The following PCBP3 variants were observed in gnomAD, a reference collection of about 807,000 sequenced individuals.
PCBP3 encodes poly(rC)-binding protein 3.
In PCBP3, 25 loss-of-function variants were observed where a neutral mutation model predicts 52.7. That is an observed-to-expected ratio of 0.47 (90% CI 0.35 to 0.66). PCBP3 has a LOEUF of 0.66. Ranked by LOEUF, PCBP3 falls within the 30% of genes least tolerant of loss-of-function variation. PCBP3 has a pLI of 0.01. For synonymous variants in PCBP3, 162 were observed against 183.0 expected, an observed-to-expected ratio of 0.89 and a Z score of 0.93; for missense variants, 391 against 490.3, an observed-to-expected ratio of 0.80 and a Z score of 1.91.
intron 9 of PCBP3, 106 bp from the exon 10 acceptor site, chr21:45,909,249 G>A (rs1466926940): frequency 4.9e-6 from 6 of 1,218,614 alleles, no homozygotes; most frequent in Non-Finnish European, 6.9e-6. Context: ...CATGACAGGG[G>A]CTCTGTGGGC....
At chr21:45,758,711 C>G (rs1256654984) in intron 4 of PCBP3, among the ~76,000 whole-genome samples, 1 of 151,944 alleles carries the variant, frequency 6.6e-6, no homozygotes, top group Non-Finnish European at 1.5e-5. Context: ...TTTACAGTTT[C>G]TAACCCACAG....
chr21:45,892,469 G>A (rs936214175), intron 5 of PCBP3, among the ~76,000 whole-genome samples: 2 of 106,992 alleles, frequency 1.9e-5, no homozygotes, highest in Admixed American at 1.9e-4. Flanking sequence ...CTGACGGGGC[G>A]TGGGGGGGGG....
chr21:45,661,248 A>G (rs962424146), intron 1 of PCBP3, among the ~76,000 whole-genome samples: 13 of 152,192 alleles, frequency 8.5e-5, no homozygotes, highest in African/African-American at 2.7e-4. Flanking sequence ...TAGTATAAGC[A>G]TCACCTGAAT....
At chr21:45,701,772 C>G (rs1265798566) in intron 2 of PCBP3, among the ~76,000 whole-genome samples, 2 of 152,204 alleles carry the variant, frequency 1.3e-5, no homozygotes, top group African/African-American at 2.4e-5. Context: ...GTTGGCCAGG[C>G]TGGCCTTGAA....
chr21:45,892,868 G>C (rs1284612919), intron 5 of PCBP3, among the ~76,000 whole-genome samples: 2 of 152,210 alleles, frequency 1.3e-5, no homozygotes, highest in African/African-American at 4.8e-5. Context: ...TGGGTGCCAG[G>C]ACCCTCTCTA....
chr21:45,816,828 G>A (rs139212241), intron 4 of PCBP3, among the ~76,000 whole-genome samples: 100 of 151,520 alleles, frequency 6.6e-4, no homozygotes, highest in African/African-American at 2.3e-3. Context: ...TAACACCATC[G>A]TTTATTATCA....
intron 5 of PCBP3, among the ~76,000 whole-genome samples, chr21:45,895,790 A>T (rs565045441): frequency 6.6e-6 from 1 of 152,314 alleles, no homozygotes; most frequent in African/African-American, 2.4e-5. Flanking sequence ...GGACTCTGGC[A>T]CCCCGTGACT....
intron 5 of PCBP3, among the ~76,000 whole-genome samples, chr21:45,881,327 G>A (rs1338088697): frequency 6.6e-6 from 1 of 152,132 alleles, no homozygotes; most frequent in Non-Finnish European, 1.5e-5. Flanking sequence ...TTTTGTGTGT[G>A]AAATTATTAA....
At chr21:45,728,553 AT>A (rs1344403230) in intron 2 of PCBP3, 1 of 152,056 alleles carries the variant, frequency 6.6e-6, no homozygotes, top group Non-Finnish European at 1.5e-5. Context: ...TATTTTTCTG[AT>A]TTTTTATCAT....
chr21:45,877,415 G>T (rs1322229337), intron 5 of PCBP3, among the ~76,000 whole-genome samples: 3 of 152,196 alleles, frequency 2.0e-5, no homozygotes, highest in African/African-American at 7.2e-5. Context: ...GCATTCTGTT[G>T]ATTTGAATAT....
At chr21:45,747,150 A>G (rs1442489046) in intron 3 of PCBP3, among the ~76,000 whole-genome samples, 4 of 152,206 alleles carry the variant, frequency 2.6e-5, no homozygotes, top group Non-Finnish European at 4.4e-5. Flanking sequence ...AGGAGGATCA[A>G]AGGTGCATCT....
chr21:45,883,941 GTATT>G (rs775470607), intron 5 of PCBP3, among the ~76,000 whole-genome samples: 2 of 152,014 alleles, frequency 1.3e-5, no homozygotes, highest in Non-Finnish European at 2.9e-5. Context: ...TTTATCTTTT[GTATT>G]TATTTATTTT....
intron 1 of PCBP3, among the ~76,000 whole-genome samples, chr21:45,663,520 C>G (rs1172061329): frequency 6.6e-6 from 1 of 152,078 alleles, no homozygotes; most frequent in African/African-American, 2.4e-5. Context: ...AGTTTTAGGT[C>G]TTACATTTAA....
At chr21:45,776,928 T>G (rs2090305865) in intron 4 of PCBP3, among the ~76,000 whole-genome samples, 1 of 152,192 alleles carries the variant, frequency 6.6e-6, no homozygotes, top group African/African-American at 2.4e-5. Flanking sequence ...TGTTTCTTTT[T>G]CTCTTATTAA....
At chr21:45,691,426 A>AATATAT (rs1229116303) in intron 2 of PCBP3, among the ~76,000 whole-genome samples, 1 of 133,806 alleles carries the variant, frequency 7.5e-6, no homozygotes, top group Non-Finnish European at 1.6e-5. Flanking sequence ...ATATATATAA[A>AATATAT]ATATATATAT....
In PCBP3 at chr21:45,763,532, GGCAAAGTTCACT is replaced by G. The variant is rs1268639157; in HGVS notation, c.-126+8089_-126+8100del. 55 of 152,404 alleles carry G rather than the reference GGCAAAGTTCACT, an allele frequency of 3.6e-4. 1 individual carries two copies. The highest frequency in any genetic ancestry group is 1.3e-3 in the African/African-American group (54 of 41,578). The allele number at this position is 152,404 out of a possible 1,614,324, so 9.4% of individuals were successfully genotyped here. ...AGCATCCTCAGGAGAAACAGGAAGA[GGCAAAGTTCACT>G]GCAAAGTTTTTTTTGGGTTGAACGC... On this transcript the variant is annotated intron_variant, in intron 4 of 17. Coordinates refer to ENST00000681687, the MANE Select transcript of PCBP3 (RefSeq NM_001384156.1).
intron 1 of PCBP3, among the ~76,000 whole-genome samples, chr21:45,662,423 G>A (rs963642274): frequency 1.3e-5 from 2 of 151,350 alleles, no homozygotes; most frequent in Non-Finnish European, 2.9e-5. Flanking sequence ...TGCCTGGCCT[G>A]CATTTGCTTT....
chr21:45,927,415 A>G (rs1448811055), intron 13 of PCBP3, among the ~76,000 whole-genome samples: 1 of 24,000 alleles, frequency 4.2e-5, no homozygotes, highest in Non-Finnish European at 8.5e-5. Flanking sequence ...GGTACTGGTG[A>G]GAACCAAAAG....
rs1020686939 is a variant in PCBP3, at chr21:45,892,519, C to T, written c.11-3689C>T. 1.3e-4 allele frequency among the ~76,000 whole-genome samples: 12 copies of T among 93,688 alleles called. 1 individual carries two copies. Among genetic ancestry groups the T allele is most frequent in the Non-Finnish European group, 2.1e-4 (10 of 48,404 alleles). 61.5% of individuals were successfully genotyped at this position (93,688 alleles called of 152,430 possible). The stretch of plus-strand genomic sequence containing the variant: ...TCACGGGGCGTGGAGGGCGCAGTCC[C>T]GTCTCTCGCGGGGCTTCATGTACCA... On this transcript the variant is annotated intron_variant, in intron 5 of 17. Transcript: ENST00000681687.
Sources: gnomAD v4.1 joint callset for allele counts (sites outside exome capture counted in the v4.1 genomes callset) on GRCh38, gnomAD v4.1.1 for gene constraint, MANE v1.5 for transcripts, NCBI Gene and HGNC (gene_info 2026-07-23, HGNC 2026-07-21) for gene names.